RUFY1: variants seen among roughly 807,000 people sequenced by gnomAD.
RUFY1 encodes the protein RUN and FYVE domain containing 1, also known as RUN and FYVE domain-containing protein 1.
In RUFY1, 54 loss-of-function variants were observed where a neutral mutation model predicts 94.6. The observed-to-expected ratio is 0.57, with a 90% CI of 0.46 to 0.72. RUFY1 has a LOEUF of 0.72. RUFY1 is among the 30% of genes least tolerant of loss of function. The probability of loss-of-function intolerance (pLI) is 0.00; values close to 1 mark genes in which losing one functional copy is unlikely to be tolerated. For missense variants in RUFY1, 883 were observed against 883.9 expected (o/e 1.00, Z 0.01); for synonymous variants, 396 against 347.3 (o/e 1.14, Z -1.56).
Position 179,577,070 on chromosome 5 carries a change from T to C in RUFY1, c.829-5T>C. 6.3e-7 allele frequency: 1 copy of C among 1,590,632 alleles called. No homozygotes were observed. Among genetic ancestry groups the C allele is most frequent in the Non-Finnish European group, 8.6e-7 (1 of 1,159,530 alleles). The stretch of plus-strand genomic sequence containing the variant: ...ATTTAAACTTGTGCATTTTATTTCG[T>C]TTAGGTTGGAGTAATAGATTTTTCC... On this transcript the variant is annotated splice_region_variant and splice_polypyrimidine_tract_variant and intron_variant, in intron 5 of 17. Transcript: ENST00000319449.
chr5:179,568,748 A>C (rs1763012038), intron 4 of RUFY1, among the ~76,000 whole-genome samples: 1 of 152,226 alleles, frequency 6.6e-6, no homozygotes, highest in Non-Finnish European at 1.5e-5. Flanking sequence ...ACACACACAC[A>C]GTGGCCTGGA....
At chr5:179,594,163 A>G (rs1300039471) in intron 11 of RUFY1, among the ~76,000 whole-genome samples, 1 of 151,998 alleles carries the variant, frequency 6.6e-6, no homozygotes, top group Admixed American at 6.6e-5. Flanking sequence ...TTAGCTGGGC[A>G]TGGAGGTGCA....
chr5:179,572,372 T>C, intron 5 of RUFY1: 1 of 200,700 alleles, frequency 5.0e-6, no homozygotes, highest in Non-Finnish European at 1.1e-5. Context: ...TGCGAAGTGC[T>C]GGGTGTCTGG....
At chr5:179,579,703 G>A (rs374657616) in intron 6 of RUFY1, among the ~76,000 whole-genome samples, 2 of 100,456 alleles carry the variant, frequency 2.0e-5, no homozygotes, top group East Asian at 4.2e-4. Flanking sequence ...TCCCTCTGTC[G>A]CCCAGGCTGG....
chr5:179,568,963 G>A, intron 4 of RUFY1: 1 of 846,216 alleles, frequency 1.2e-6, no homozygotes, highest in Non-Finnish European at 1.4e-6. Flanking sequence ...AAGTGGAGAA[G>A]TAATTCATAT....
chr5:179,552,020 C>A lies in RUFY1; in HGVS notation c.310+1141C>A, dbSNP rs180944927. 2.2e-4 allele frequency among the ~76,000 whole-genome samples: 34 copies of A among 151,498 alleles called. No individual in the cohort carries two copies. The East Asian group carries it at 4.6e-3, about 20-fold the overall frequency. ...CTCTACTAAAAATACAAAAAATTAG[C>A]TGGGTGTGTTGGCATGCACCTGTAG... On this transcript the variant is annotated intron_variant, in intron 1 of 17. Coordinates refer to ENST00000319449, the MANE Select transcript of RUFY1 (RefSeq NM_025158.5).
chr5:179,582,542 A>C (rs1382469958), intron 7 of RUFY1, among the ~76,000 whole-genome samples: 1 of 152,134 alleles, frequency 6.6e-6, no homozygotes, highest in African/African-American at 2.4e-5. Flanking sequence ...TAGTTTTCAT[A>C]ATTCAATTAT....
At chr5:179,560,324 C>G in intron 2 of RUFY1, 126 bp downstream of exon 2, 1 of 1,232,480 alleles carries the variant, frequency 8.1e-7, no homozygotes. Flanking sequence ...AGGCAAGGTT[C>G]CTGTATTCAG....
At chr5:179,575,054 C>T (rs370302684) in intron 5 of RUFY1, among the ~76,000 whole-genome samples, 1 of 128,634 alleles carries the variant, frequency 7.8e-6, no homozygotes, top group Non-Finnish European at 1.6e-5. Context: ...CAGCCGCAGT[C>T]CTCCTCCCTT....
intron 5 of RUFY1, among the ~76,000 whole-genome samples, chr5:179,575,916 G>A (rs889861352): frequency 8.6e-5 from 13 of 152,012 alleles, no homozygotes; most frequent in Admixed American, 2.0e-4. Context: ...CAAGTAGCTG[G>A]GACTACAGGC....
At chr5:179,580,251 T>TC (rs1764029155) in intron 6 of RUFY1, among the ~76,000 whole-genome samples, 5 of 38,770 alleles carry the variant, frequency 1.3e-4, no homozygotes, top group Admixed American at 3.1e-4. Context: ...GTATATTTTT[T>TC]TTTTTTTTTG....
intron 5 of RUFY1, among the ~76,000 whole-genome samples, chr5:179,575,753 T>C (rs1763566728): frequency 6.6e-6 from 1 of 152,112 alleles, no homozygotes; most frequent in African/African-American, 2.4e-5. Flanking sequence ...TATGATTCTT[T>C]GACTTGAAAT....
At chr5:179,561,736 G>A (rs939027990) in intron 2 of RUFY1, among the ~76,000 whole-genome samples, 2 of 124,062 alleles carry the variant, frequency 1.6e-5, no homozygotes, top group African/African-American at 6.1e-5. Context: ...AGGCTGGAGT[G>A]CAGTGGTGCA....
At chr5:179,570,159 T>G (rs1763119863) in intron 5 of RUFY1, among the ~76,000 whole-genome samples, 1 of 152,168 alleles carries the variant, frequency 6.6e-6, no homozygotes, top group Non-Finnish European at 1.5e-5. Flanking sequence ...ATTACAGGTG[T>G]GAGCCACTGT....
intron 9 of RUFY1, 69 bp downstream of exon 9, chr5:179,589,716 C>T: frequency 1.7e-6 from 2 of 1,171,188 alleles, no homozygotes; most frequent in Non-Finnish European, 1.3e-6. Context: ...ATCTCAAGCT[C>T]ATGGCTTAAC....
rs1039092034 is a variant in RUFY1, at chr5:179,555,107, C to T, written c.310+4228C>T. ...GTTTTCACGCAAGCAATAGGATGTA[C>T]CCACAAGGAATGTATCTTGCTTTTT... On this transcript the variant is annotated intron_variant, in intron 1 of 17. Coordinates refer to ENST00000319449, the MANE Select transcript of RUFY1 (RefSeq NM_025158.5). Among the ~76,000 whole-genome samples the T allele has an allele frequency of 4.6e-5, 7 of 152,142 alleles. No individual in the cohort carries two copies. The South Asian group carries it at 8.3e-4, about 18-fold the overall frequency.
chr5:179,583,372 A>G (rs1050501772), intron 7 of RUFY1, among the ~76,000 whole-genome samples: 2 of 149,964 alleles, frequency 1.3e-5, no homozygotes, highest in South Asian at 2.1e-4. Context: ...TACTTAGTTC[A>G]TCTGGGTTTT....
At position 179,580,245 on chromosome 5, in the gene RUFY1, A is replaced by ATATATATATT. The variant is rs59300402; in HGVS notation, c.891-701_891-700insATATATATTT. Among the ~76,000 whole-genome samples, 117 of 81,684 alleles carry ATATATATATT rather than the reference A, an allele frequency of 1.4e-3. 3 individuals carry two copies. Among genetic ancestry groups the ATATATATATT allele is most frequent in the Admixed American group, 3.1e-3 (26 of 8,466 alleles). The allele number at this position is 81,684 out of a possible 152,430, so 53.6% of individuals were successfully genotyped here. ...TGTGTGTGTGTGTGTGTGTGTGTAT[A>ATATATATATT]TTTTTTTTTTTTTTTGAGACGGAGT... On this transcript the variant is annotated intron_variant, in intron 6 of 17. Coordinates refer to ENST00000319449, the MANE Select transcript of RUFY1 (RefSeq NM_025158.5).
intron 6 of RUFY1, among the ~76,000 whole-genome samples, chr5:179,580,241 G>GTGTGTGTGTCTATA (rs149099074): frequency 1.1e-5 from 1 of 93,852 alleles, no homozygotes; most frequent in Non-Finnish European, 2.3e-5. Context: ...GTGTGTGTGT[G>GTGTGTGTGTCTATA]TATATTTTTT....
Sources: allele counts gnomAD v4.1 joint callset (sites outside exome capture counted in the v4.1 genomes callset), GRCh38; gene constraint gnomAD v4.1.1; transcripts MANE v1.5; gene names NCBI Gene and HGNC (gene_info 2026-07-23, HGNC 2026-07-21).